RCN2: variants seen among roughly 807,000 people sequenced by gnomAD.
The protein encoded by RCN2 is reticulocalbin-2.
RCN2 carries 23 observed loss-of-function variants against 37.5 expected under a neutral mutation model. That is an observed-to-expected ratio of 0.61 (90% CI 0.44 to 0.87). RCN2 has a LOEUF of 0.87. Among genes scored for constraint, RCN2 ranks in the 40% least tolerant of loss-of-function variants. The pLI, the probability that RCN2 is intolerant of heterozygous loss-of-function variation, is 0.00. For missense variants in RCN2, 381 were observed against 390.4 expected, an observed-to-expected ratio of 0.98 and a Z score of 0.20; for synonymous variants, 140 against 144.6, an observed-to-expected ratio of 0.97 and a Z score of 0.23.
At chr15:76,940,877 A>C (rs767158985) in intron 3 of RCN2, among the ~76,000 whole-genome samples, 1 of 151,488 alleles carries the variant, frequency 6.6e-6, no homozygotes. Flanking sequence ...TTTATCTTAT[A>C]TTTAATAAGT....
rs1284356930 is a variant in RCN2, at chr15:76,953,555, C to CTA, written c.*4371_*4372dup. The CTA allele has an allele frequency of 0.039, 1,048 of 26,586 alleles. 18 individuals carry two copies. Among genetic ancestry groups the CTA allele is most frequent in the Middle Eastern group, 0.045 (1 of 22 alleles). 1.6% of individuals were successfully genotyped at this position (26,586 alleles called of 1,614,324 possible). On this transcript the variant is annotated 3_prime_UTR_variant, in exon 7 of 7. Transcript: ENST00000394885. ...GGGATTGCTGGATCATATAGTAATT[C>CTA]TATATATATATATATATATATATAT...
chr15:76,935,515 A>T lies in RCN2; in HGVS notation c.251-11A>T. On this transcript the variant is annotated splice_polypyrimidine_tract_variant and intron_variant, in intron 2 of 6. Coordinates refer to ENST00000394885, the MANE Select transcript of RCN2 (RefSeq NM_002902.3). ...ACGTCACATGCGTTGTGTTCTGGGA[A>T]ATTCTCATAGGTGAACTCAGTTCAT... is the stretch of plus-strand genomic sequence containing the variant. The T allele has an allele frequency of 6.2e-7, 1 of 1,604,574 alleles. No individual in the cohort carries two copies. Among genetic ancestry groups the T allele is most frequent in the Non-Finnish European group, 8.5e-7 (1 of 1,175,110 alleles).
At chr15:76,934,408 C>T (rs2075238038) in intron 2 of RCN2, among the ~76,000 whole-genome samples, 1 of 152,216 alleles carries the variant, frequency 6.6e-6, no homozygotes, top group South Asian at 2.1e-4. Flanking sequence ...TCCCAAAGTG[C>T]TGGGATTACA....
intron 2 of RCN2, 103 bp downstream of exon 2, chr15:76,932,569 C>T: frequency 1.3e-6 from 1 of 774,110 alleles, no homozygotes; most frequent in Non-Finnish European, 2.2e-6. Flanking sequence ...GTTGGAAGTC[C>T]TGTGAGAAGG....
chr15:76,945,410 T>G (rs2075292752), intron 4 of RCN2, among the ~76,000 whole-genome samples: 1 of 152,254 alleles, frequency 6.6e-6, no homozygotes, highest in South Asian at 2.1e-4. Context: ...AGCTGCTAGT[T>G]AACTAGTAAT....
rs1217691896 is a variant in RCN2, at chr15:76,949,109, A to C, written c.841A>C (p.Lys281Gln). ...TGATGAAATGGATTTGAATGGTGAC[A>C]AAAAGCTCTCTGAAGAAGAGATTCT... is the stretch of plus-strand genomic sequence containing the variant. ...LIDEMDLNGD[K>Q]KLSEEEILEN... Residue 281 changes from lysine to glutamine, a missense_variant, in exon 7 of 7, where the codon AAA becomes CAA. Physicochemically the swap from Lys to Gln is moderately conservative, Grantham distance 53 (BLOSUM62 1). Transcript: ENST00000394885. 6.2e-7 allele frequency: 1 copy of C among 1,611,964 alleles called. No homozygotes were observed. The highest frequency in any genetic ancestry group is 1.1e-5 in the South Asian group (1 of 90,474).
chr15:76,941,498 A>C, intron 3 of RCN2: 1 of 432,740 alleles, frequency 2.3e-6, no homozygotes, highest in Non-Finnish European at 4.1e-6. Context: ...TAATCTAAAA[A>C]TAAATGATTA....
intron 3 of RCN2, among the ~76,000 whole-genome samples, chr15:76,936,146 G>C (rs1187086918): frequency 6.6e-6 from 1 of 150,686 alleles, no homozygotes; most frequent in African/African-American, 2.4e-5. Context: ...TCAAACAACT[G>C]AGAATCGTAA....
At chr15:76,940,491 T>C (rs1274322827) in intron 3 of RCN2, among the ~76,000 whole-genome samples, 1 of 151,766 alleles carries the variant, frequency 6.6e-6, no homozygotes, top group Non-Finnish European at 1.5e-5. Flanking sequence ...AATAAAGTTT[T>C]CTATAAGAAA....
At position 76,950,171 on chromosome 15, in the gene RCN2, G is replaced by A. The variant is rs1021421223; in HGVS notation, c.*949G>A. On this transcript the variant is annotated 3_prime_UTR_variant, in exon 7 of 7. Coordinates refer to ENST00000394885, the MANE Select transcript of RCN2 (RefSeq NM_002902.3). ...GGGGCTATAAATAATCTTGAGTAAC[G>A]CAGGTTGGAATTACCAATAGAGCTG... 6 of 151,890 alleles carry A rather than the reference G, an allele frequency of 4.0e-5. No individual in the cohort carries two copies. The highest frequency in any genetic ancestry group is 6.6e-5 in the Admixed American group (1 of 15,236). The allele number at this position is 151,890 out of a possible 1,614,324, so 9.4% of individuals were successfully genotyped here.
At position 76,935,718 on chromosome 15, in the gene RCN2, G is replaced by GAA; in HGVS notation, c.443_444insAA (p.Lys149ArgfsTer5). ...GATGATGCAGAAGAGGAGTCCTTTA[G>GAA]GAAGGTGAGTTCATGTGCACAAGCT... On this transcript the variant is annotated frameshift_variant, in exon 3 of 7. Transcript: ENST00000394885. LOFTEE classifies it high-confidence loss of function. The GAA allele has an allele frequency of 6.2e-7, 1 of 1,609,220 alleles. No homozygotes were observed. The highest frequency in any genetic ancestry group is 8.5e-7 in the Non-Finnish European group (1 of 1,177,558).
At chr15:76,938,794 C>T in intron 3 of RCN2, 1 of 455,366 alleles carries the variant, frequency 2.2e-6, no homozygotes, top group Non-Finnish European at 4.4e-6. Context: ...AGCTCCAGCA[C>T]TTCACGGTTG....
At position 76,953,366 on chromosome 15, in the gene RCN2, T is replaced by G. The variant is rs1282015994; in HGVS notation, c.*4144T>G. ...TTTCTTTCGTCAGGCTGAACAATAC[T>G]TTATTGTTTGCATATACCACATTTT... On this transcript the variant is annotated 3_prime_UTR_variant, in exon 7 of 7. Coordinates refer to ENST00000394885, the MANE Select transcript of RCN2 (RefSeq NM_002902.3). 1 of 151,820 alleles carries G rather than the reference T, an allele frequency of 6.6e-6. No homozygotes were observed. The highest frequency in any genetic ancestry group is 1.5e-5 in the Non-Finnish European group (1 of 67,970). 9.4% of individuals were successfully genotyped at this position (151,820 alleles called of 1,614,324 possible).
rs891557280 is a variant in RCN2, at chr15:76,949,817, G to A, written c.*595G>A. ...TGTATAGATAGTAATTATATTTAAT[G>A]TATAACTATAGCATTATGGTGAGTG... On this transcript the variant is annotated 3_prime_UTR_variant, in exon 7 of 7. Transcript: ENST00000394885. The A allele has an allele frequency of 2.0e-5, 3 of 152,542 alleles. No individual in the cohort carries two copies. Among genetic ancestry groups the A allele is most frequent in the Admixed American group, 6.5e-5 (1 of 15,278 alleles). 9.4% of individuals were successfully genotyped at this position (152,542 alleles called of 1,614,324 possible).
At chr15:76,933,300 G>C (rs2075232743) in intron 2 of RCN2, among the ~76,000 whole-genome samples, 1 of 152,170 alleles carries the variant, frequency 6.6e-6, no homozygotes, top group African/African-American at 2.4e-5. Context: ...TTTAAATGCT[G>C]TTCACCATCA....
chr15:76,948,711 T>G, intron 6 of RCN2, 159 bp downstream of exon 6: 1 of 638,434 alleles, frequency 1.6e-6, no homozygotes, highest in Non-Finnish European at 2.5e-6. Flanking sequence ...CTGTTTAGAT[T>G]GTCAGGGAGA....
intron 3 of RCN2, among the ~76,000 whole-genome samples, chr15:76,940,764 G>A (rs773871595): frequency 2.4e-4 from 36 of 151,734 alleles, no homozygotes; most frequent in Non-Finnish European, 4.6e-4. Flanking sequence ...GTTTCACCAC[G>A]TTGGTCAGGC....
intron 3 of RCN2, chr15:76,942,888 A>G (rs905955127): frequency 6.6e-6 from 1 of 152,206 alleles, no homozygotes; most frequent in Non-Finnish European, 1.5e-5. Context: ...GGTTTCAGTA[A>G]GCCGAGATTG....
At chr15:76,932,647 G>T (rs1350760385) in intron 2 of RCN2, among the ~76,000 whole-genome samples, 181 bp downstream of exon 2, 1 of 151,822 alleles carries the variant, frequency 6.6e-6, no homozygotes, top group African/African-American at 2.4e-5. Context: ...AGTAAAACTC[G>T]GTGCTTTCTC....
Sources: gnomAD v4.1 joint callset for allele counts (sites outside exome capture counted in the v4.1 genomes callset) on GRCh38, gnomAD v4.1.1 for gene constraint, MANE v1.5 for transcripts, NCBI Gene and HGNC (gene_info 2026-07-23, HGNC 2026-07-21) for gene names.